Variants in PDE1C observed in about 807,000 individuals in gnomAD.
PDE1C encodes the protein dual specificity calcium/calmodulin-dependent 3',5'-cyclic nucleotide phosphodiesterase 1C.
In PDE1C, 62 loss-of-function variants were observed where a neutral mutation model predicts 93.1. The observed-to-expected ratio is 0.67, with a 90% CI of 0.54 to 0.82. The LOEUF (loss-of-function observed/expected upper bound fraction) is 0.82, where lower values mean the gene tolerates loss of function less well. Ranked by LOEUF, PDE1C falls within the 40% of genes least tolerant of loss-of-function variation. The pLI is 0.00. For missense variants in PDE1C, 742 were observed against 884.6 expected (o/e 0.84, Z 2.04); for synonymous variants, 325 against 310.1 (o/e 1.05, Z -0.50).
At chr7:31,808,336 T>C (rs986157186) in intron 16 of PDE1C, 2 of 284,716 alleles carry the variant, frequency 7.0e-6, no homozygotes, top group Non-Finnish European at 1.4e-5. Flanking sequence ...GGATAACTAG[T>C]AATGAACCTG....
the PDE1C span, among the ~76,000 whole-genome samples, chr7:31,713,944 T>A: frequency 3.9e-5 from 6 of 152,326 alleles, no homozygotes; most frequent in South Asian, 1.2e-3. Context: ...GTGAGATGAC[T>A]GGTGCTGCAA....
At chr7:31,639,549 T>G in the PDE1C span, among the ~76,000 whole-genome samples, 2 of 150,142 alleles carry the variant, frequency 1.3e-5, no homozygotes, top group African/African-American at 4.9e-5. Context: ...TTTTTTTTTT[T>G]TTTTTGAGAT....
intron 1 of PDE1C, among the ~76,000 whole-genome samples, chr7:32,263,340 T>C (rs1438215892): frequency 6.6e-6 from 1 of 152,130 alleles, no homozygotes; most frequent in African/African-American, 2.4e-5. Context: ...CCTGCATATA[T>C]ACATGTGCGG....
At chr7:31,990,534 G>A (rs146846295) in intron 2 of PDE1C, among the ~76,000 whole-genome samples, 1 of 152,184 alleles carries the variant, frequency 6.6e-6, no homozygotes, top group East Asian at 1.9e-4. Flanking sequence ...CCCAGAAGAA[G>A]GATGGCTAAC....
At position 31,753,536 on chromosome 7, in the gene PDE1C, G is replaced by A. The variant is rs368054247; in HGVS notation, c.1978C>T (p.Arg660Cys). ...LTLPVIKPPL[R>C]HFKRPAYASS... ...GCGTAAGCAGGGCGTTTAAAATGACGCAAAGGAGGCTTGATGACTGGCGGC... is the reference window on the plus strand; with the variant it reads ...GCGTAAGCAGGGCGTTTAAAATGACACAAAGGAGGCTTGATGACTGGCGGC... The change falls in exon 18 of 18, where the codon CGT becomes TGT. Residue 660 changes from arginine (R) to cysteine (C), a missense_variant. Physicochemically the swap from Arg to Cys is radical, Grantham distance 180. Around this residue, in one of 4 missense-constraint regions of PDE1C, gnomAD observed 454 missense variants for 459.4 expected, o/e 0.99. Transcript: ENST00000396191. The A allele has an allele frequency of 6.8e-6, 11 of 1,610,082 alleles. No individual in the cohort carries two copies. The Admixed American group carries it at 8.4e-5, about 12-fold the overall frequency.
At chr7:32,290,630 T>C (rs1812275504) in intron 1 of PDE1C, among the ~76,000 whole-genome samples, 1 of 152,120 alleles carries the variant, frequency 6.6e-6, no homozygotes, top group African/African-American at 2.4e-5. Context: ...GTCTTCTGTA[T>C]CACTTGCCTT....
At chr7:32,418,378 G>A (rs1481802648) in intron 1 of PDE1C, among the ~76,000 whole-genome samples, 1 of 152,184 alleles carries the variant, frequency 6.6e-6, no homozygotes, top group African/African-American at 2.4e-5. Flanking sequence ...TCTAAGAAAA[G>A]GAGATAACAA....
chr7:31,731,712 G>T, the PDE1C span, among the ~76,000 whole-genome samples: 1 of 152,152 alleles, frequency 6.6e-6, no homozygotes. Context: ...TCAATCAGCA[G>T]GCAGAATATT....
intron 1 of PDE1C, among the ~76,000 whole-genome samples, chr7:32,343,093 G>A (rs917606660): frequency 2.0e-5 from 3 of 152,152 alleles, no homozygotes; most frequent in African/African-American, 7.2e-5. Context: ...TCGGCCACCA[G>A]AGGCTGCCAA....
intron 7 of PDE1C, among the ~76,000 whole-genome samples, chr7:31,853,542 G>A (rs1167673483): frequency 6.6e-6 from 1 of 152,114 alleles, no homozygotes; most frequent in African/African-American, 2.4e-5. Context: ...GGCCCTATGA[G>A]GTCAGGCATT....
chr7:32,120,977 T>C (rs796815311), intron 3 of PDE1C, among the ~76,000 whole-genome samples: 8 of 152,220 alleles, frequency 5.3e-5, no homozygotes, highest in African/African-American at 1.7e-4. Flanking sequence ...AAGCTAAGAA[T>C]CTTGATAAAA....
chr7:31,642,220 G>C, the PDE1C span: 3 of 1,560,184 alleles, frequency 1.9e-6, no homozygotes, highest in Non-Finnish European at 2.6e-6. Context: ...TGACAGCAGC[G>C]GGTTCCTGGA....
the PDE1C span, among the ~76,000 whole-genome samples, chr7:31,657,040 TAC>T: frequency 1.7e-3 from 243 of 147,248 alleles, 1 homozygote; most frequent in African/African-American, 5.6e-3. Flanking sequence ...TGTATGTGTA[TAC>T]ACACACACAC....
intron 3 of PDE1C, among the ~76,000 whole-genome samples, chr7:32,084,904 A>G (rs552092464): frequency 1.3e-5 from 2 of 148,282 alleles, no homozygotes; most frequent in African/African-American, 5.0e-5. Context: ...AAAGCAGGAA[A>G]GATCCAAAAT....
At chr7:31,878,418 TA>T (rs1161881778) in intron 4 of PDE1C, among the ~76,000 whole-genome samples, 13 of 152,210 alleles carry the variant, frequency 8.5e-5, no homozygotes, top group East Asian at 1.9e-4. Flanking sequence ...GCTTGTTCTT[TA>T]GAACTGTCAA....
intron 5 of PDE1C, among the ~76,000 whole-genome samples, chr7:31,877,358 A>ATCCT (rs1452374303): frequency 2.6e-5 from 4 of 152,176 alleles, no homozygotes; most frequent in Admixed American, 6.5e-5. Flanking sequence ...TTTAAACTCA[A>ATCCT]GCATTTGTAT....
intron 2 of PDE1C, among the ~76,000 whole-genome samples, chr7:31,991,496 C>T (rs187724176): frequency 1.3e-5 from 2 of 152,124 alleles, no homozygotes; most frequent in Non-Finnish European, 2.9e-5. Context: ...GTTCTCTTTG[C>T]CTTCACATAG....
chr7:31,713,987 C>T, the PDE1C span, among the ~76,000 whole-genome samples: 5 of 152,168 alleles, frequency 3.3e-5, no homozygotes, highest in Non-Finnish European at 7.3e-5. Flanking sequence ...ACATTTTCCC[C>T]ATTGTTTTGG....
At chr7:32,112,091 A>T (rs1396547699) in intron 3 of PDE1C, among the ~76,000 whole-genome samples, 1 of 152,178 alleles carries the variant, frequency 6.6e-6, no homozygotes, top group East Asian at 1.9e-4. Context: ...GAGAATCATA[A>T]GGGAATCCTT....
Sources: gnomAD v4.1 joint callset for allele counts (sites outside exome capture counted in the v4.1 genomes callset) on GRCh38, gnomAD v4.1.1 for gene constraint, gnomAD v4.1.1 regional missense constraint, MANE v1.5 for transcripts, NCBI Gene and HGNC (gene_info 2026-07-23, HGNC 2026-07-21) for gene names.